FMN2: variants seen among roughly 807,000 people sequenced by gnomAD.
FMN2 encodes the protein formin-2.
FMN2 carries 51 observed loss-of-function variants against 142.3 expected under a neutral mutation model. The ratio of observed to expected loss-of-function variants is 0.36; its 90% CI spans 0.29 to 0.45. FMN2 has a LOEUF of 0.45. Ranked by LOEUF, FMN2 falls within the 20% of genes least tolerant of loss-of-function variation. FMN2 has a pLI of 1.00. For missense variants in FMN2, 1,936 were observed against 2,122.8 expected (o/e 0.91, Z 1.73); for synonymous variants, 882 against 869.8 (o/e 1.01, Z -0.25).
At chr1:240,422,026 G>A (rs934637334) in intron 15 of FMN2, among the ~76,000 whole-genome samples, 1 of 152,168 alleles carries the variant, frequency 6.6e-6, no homozygotes, top group African/African-American at 2.4e-5. Context: ...CATGGGGAGA[G>A]AGGAGAGAGC....
At chr1:240,460,414 A>G (rs914440444) in intron 16 of FMN2, among the ~76,000 whole-genome samples, 2 of 152,132 alleles carry the variant, frequency 1.3e-5, no homozygotes, top group South Asian at 4.1e-4. Context: ...AAACATGGTG[A>G]AACGCCGTCT....
Position 240,216,536 on chromosome 1 carries a change from G to A in FMN2, c.4065+5301G>A, listed in dbSNP as rs545572234. On this transcript the variant is annotated intron_variant, in intron 6 of 17. Coordinates refer to ENST00000319653, the MANE Select transcript of FMN2 (RefSeq NM_020066.5). ...ACAGTTAAATATTTGTTGGACTTTA[G>A]CCTCTGGAAATCTGATCAGAAAAAA... 9.9e-5 allele frequency among the ~76,000 whole-genome samples: 15 copies of A among 152,162 alleles called. No homozygotes were observed. In the East Asian group the frequency reaches 2.3e-3, roughly 24 times the overall value.
At chr1:240,228,713 C>T (rs1667433940) in intron 6 of FMN2, among the ~76,000 whole-genome samples, 1 of 151,958 alleles carries the variant, frequency 6.6e-6, no homozygotes, top group African/African-American at 2.4e-5. Context: ...ACTTGTTACC[C>T]ATAGAATGAT....
chr1:240,158,597 T>TC lies in FMN2; in HGVS notation c.1783-19317dup, dbSNP rs547005007. On this transcript the variant is annotated intron_variant, in intron 2 of 17. Coordinates refer to ENST00000319653, the MANE Select transcript of FMN2 (RefSeq NM_020066.5). The stretch of plus-strand genomic sequence containing the variant: ...TTTATAAAAATCACATAACTGCATC[T>TC]CCCCCCCACCACGCCTGAATTTGAT... Among the ~76,000 whole-genome samples, 404 of 152,008 alleles carry TC rather than the reference T, an allele frequency of 2.7e-3. 3 individuals carry two copies. The highest frequency in any genetic ancestry group is 9.0e-3 in the African/African-American group (374 of 41,472).
intron 7 of FMN2, among the ~76,000 whole-genome samples, chr1:240,283,378 C>A (rs1054158221): frequency 7.9e-5 from 12 of 152,154 alleles, no homozygotes; most frequent in African/African-American, 2.9e-4. Flanking sequence ...TTACCATTTG[C>A]AGCAGGGATT....
intron 14 of FMN2, among the ~76,000 whole-genome samples, chr1:240,366,690 T>A (rs895541383): frequency 1.3e-5 from 2 of 152,044 alleles, no homozygotes; most frequent in African/African-American, 4.8e-5. Flanking sequence ...TAGCTGGGAT[T>A]ACAGGCATGA....
chr1:240,236,341 A>G (rs1416894495), intron 6 of FMN2, among the ~76,000 whole-genome samples: 2 of 152,054 alleles, frequency 1.3e-5, no homozygotes, highest in African/African-American at 4.8e-5. Flanking sequence ...TTAACTACAT[A>G]CTTCAGGCCC....
chr1:240,472,504 A>C (rs893310855), intron 17 of FMN2, 51 bp downstream of exon 17: 2 of 1,200,666 alleles, frequency 1.7e-6, no homozygotes, highest in African/African-American at 1.5e-5. Flanking sequence ...TTTAAATCCT[A>C]TTTTCATAAT....
At chr1:240,111,636 A>G (rs1661810305) in intron 1 of FMN2, among the ~76,000 whole-genome samples, 1 of 152,078 alleles carries the variant, frequency 6.6e-6, no homozygotes, top group Admixed American at 6.5e-5. Flanking sequence ...CTTTACTGCA[A>G]TCTGTCTTAT....
At chr1:240,428,912 A>G (rs1234313348) in intron 15 of FMN2, among the ~76,000 whole-genome samples, 1 of 152,204 alleles carries the variant, frequency 6.6e-6, no homozygotes, top group East Asian at 1.9e-4. Flanking sequence ...GATTGTCTTC[A>G]GTACAGGAGG....
At position 240,257,948 on chromosome 1, in the gene FMN2, G is replaced by A. The variant is rs760726625; in HGVS notation, c.4069G>A (p.Val1357Ile). 1.2e-6 allele frequency: 2 copies of A among 1,612,764 alleles called. No homozygotes were observed. The highest frequency in any genetic ancestry group is 2.2e-5 in the South Asian group (2 of 90,794). ...TTTTACTTTCTTTCTCGAGCAGGTT[G>A]TCAAGTTATTAAGCAACAAAAGATC... is the stretch of plus-strand genomic sequence containing the variant. ...TISKTKAKQV[V>I]KLLSNKRSQA... The change falls in exon 7 of 18, where the codon GTC becomes ATC. Residue 1357 changes from valine (V) to isoleucine (I), a missense_variant. This residue lies in a region of FMN2 where 259 missense variants were observed against 230.9 expected (regional missense o/e 1.12). Coordinates refer to ENST00000319653, the MANE Select transcript of FMN2 (RefSeq NM_020066.5).
intron 4 of FMN2, among the ~76,000 whole-genome samples, chr1:240,205,906 T>G (rs1666333794): frequency 6.7e-6 from 1 of 149,060 alleles, no homozygotes; most frequent in Admixed American, 6.7e-5. Flanking sequence ...TTTTTTTTTT[T>G]TTTTTTTGAG....
At chr1:240,298,915 GTCTTA>G (rs969273836) in intron 8 of FMN2, among the ~76,000 whole-genome samples, 4 of 151,764 alleles carry the variant, frequency 2.6e-5, no homozygotes, top group African/African-American at 9.7e-5. Flanking sequence ...GTATGCATAT[GTCTTA>G]TCTTCTCACT....
intron 8 of FMN2, 59 bp from the exon 9 acceptor site, chr1:240,329,017 T>G: frequency 7.1e-7 from 1 of 1,409,998 alleles, no homozygotes; most frequent in Non-Finnish European, 9.9e-7. Flanking sequence ...AATTAGATTA[T>G]TATCTAAGGG....
At chr1:240,196,774 A>C (rs1483238895) in intron 4 of FMN2, among the ~76,000 whole-genome samples, 1 of 152,132 alleles carries the variant, frequency 6.6e-6, no homozygotes, top group Non-Finnish European at 1.5e-5. Context: ...CGACCTCCCA[A>C]ATAATCTGTG....
intron 2 of FMN2, among the ~76,000 whole-genome samples, chr1:240,158,566 A>G (rs1664130987): frequency 6.6e-6 from 1 of 152,122 alleles, no homozygotes; most frequent in Non-Finnish European, 1.5e-5. Flanking sequence ...ATATAGGTCA[A>G]ATACTTTTAT....
chr1:240,451,230 G>A (rs1328301167), intron 16 of FMN2, among the ~76,000 whole-genome samples: 1 of 151,728 alleles, frequency 6.6e-6, no homozygotes, highest in Non-Finnish European at 1.5e-5. Context: ...GCTGGGCGCG[G>A]TGGTGGGTAC....
At chr1:240,281,504 C>T (rs1669395151) in intron 7 of FMN2, among the ~76,000 whole-genome samples, 1 of 152,070 alleles carries the variant, frequency 6.6e-6, no homozygotes, top group African/African-American at 2.4e-5. Flanking sequence ...GTACCTAGCT[C>T]AGAATTAGAA....
intron 1 of FMN2, among the ~76,000 whole-genome samples, chr1:240,101,329 T>C (rs1661403992): frequency 6.6e-6 from 1 of 152,212 alleles, no homozygotes; most frequent in Non-Finnish European, 1.5e-5. Context: ...TTTCCTTTAT[T>C]GGTAGAGCTG....
Sources: gnomAD v4.1 joint callset for allele counts (sites outside exome capture counted in the v4.1 genomes callset) on GRCh38, gnomAD v4.1.1 for gene constraint, gnomAD v4.1.1 regional missense constraint, MANE v1.5 for transcripts, NCBI Gene and HGNC (gene_info 2026-07-23, HGNC 2026-07-21) for gene names.